The following FRMD5 variants were observed in gnomAD, a reference collection of about 807,000 sequenced individuals.
FRMD5 encodes FERM domain-containing protein 5.
Under a neutral mutation model 69.0 loss-of-function variants are expected in FRMD5, and 20 were observed. The observed-to-expected ratio is 0.29, with a 90% CI of 0.20 to 0.42. The LOEUF is 0.42. Among genes scored for constraint, FRMD5 ranks in the 10% least tolerant of loss-of-function variants. The pLI is 1.00. For missense variants in FRMD5, 595 were observed against 708.6 expected (o/e 0.84, Z 1.82); for synonymous variants, 271 against 260.1 (o/e 1.04, Z -0.40).
chr15:43,937,917 CT>C (rs895626834), intron 1 of FRMD5, among the ~76,000 whole-genome samples: 51 of 152,150 alleles, frequency 3.4e-4, no homozygotes, highest in African/African-American at 1.1e-3. Flanking sequence ...GAGTATTAGC[CT>C]CCATCACACC....
At chr15:44,171,328 T>C (rs998031009) in intron 1 of FRMD5, among the ~76,000 whole-genome samples, 4 of 152,248 alleles carry the variant, frequency 2.6e-5, no homozygotes, top group African/African-American at 9.6e-5. Flanking sequence ...GCAGTCATTC[T>C]ATTTCCAGCC....
chr15:43,934,744 C>T (rs1019049329), intron 1 of FRMD5, among the ~76,000 whole-genome samples: 2 of 152,214 alleles, frequency 1.3e-5, no homozygotes, highest in African/African-American at 4.8e-5. Context: ...AGGATCGTTG[C>T]AAGATCTTCT....
Position 43,944,960 on chromosome 15 carries a change from T to A in FRMD5, c.103-20651A>T, listed in dbSNP as rs1016755278. 1.9e-4 allele frequency among the ~76,000 whole-genome samples: 29 copies of A among 151,862 alleles called. No individual in the cohort carries two copies. The South Asian group carries it at 2.5e-3, about 13-fold the overall frequency. ...TTCTATAAGTTTATTTATTTATTTTTTTTTTTTTTGATAGAGGGGGGGTTT... is the reference window on the plus strand; with the variant it reads ...TTCTATAAGTTTATTTATTTATTTTATTTTTTTTTGATAGAGGGGGGGTTT... On this transcript the variant is annotated intron_variant, in intron 1 of 13. Coordinates refer to ENST00000417257, the MANE Select transcript of FRMD5 (RefSeq NM_032892.5).
At chr15:44,105,036 T>C (rs1328597575) in intron 1 of FRMD5, among the ~76,000 whole-genome samples, 1 of 151,940 alleles carries the variant, frequency 6.6e-6, no homozygotes, top group Non-Finnish European at 1.5e-5. Flanking sequence ...AAAACTTTCA[T>C]AGTAGTACCA....
chr15:43,873,944 G>A lies in FRMD5; in HGVS notation c.1654C>T (p.Leu552Phe), dbSNP rs1452045225. Residue 552 changes from leucine to phenylalanine, a missense_variant, in exon 14 of 14, where the codon CTC (leucine) becomes TTC (phenylalanine). By Grantham distance (22) the Leu-to-Phe change is conservative. Around this residue, in one of 5 missense-constraint regions of FRMD5, gnomAD observed 245 missense variants for 227.1 expected, o/e 1.08. Coordinates refer to ENST00000417257, the MANE Select transcript of FRMD5 (RefSeq NM_032892.5). ...ATTTTGCAGGCAAACCATCGCCTGA[G>A]GGGACAAAAGTATTGATAGTGGAAT... is the stretch of plus-strand genomic sequence containing the variant. ...EQFHYQYFCPLRRWFACKIRS... is the reference protein window; with the variant it reads ...EQFHYQYFCPFRRWFACKIRS... 1.2e-6 allele frequency: 2 copies of A among 1,614,074 alleles called. No homozygotes were observed. The highest frequency in any genetic ancestry group is 1.7e-6 in the Non-Finnish European group (2 of 1,180,040).
chr15:44,001,450 T>G (rs987465947), intron 1 of FRMD5, among the ~76,000 whole-genome samples: 5 of 152,140 alleles, frequency 3.3e-5, no homozygotes, highest in African/African-American at 1.2e-4. Flanking sequence ...GCCTGTGTTT[T>G]TAGTGTCATA....
intron 10 of FRMD5, among the ~76,000 whole-genome samples, chr15:43,887,478 A>G (rs2088691148): frequency 6.6e-6 from 1 of 152,238 alleles, no homozygotes; most frequent in Non-Finnish European, 1.5e-5. Flanking sequence ...TATATTCAGG[A>G]GAAGAAAGGC....
intron 3 of FRMD5, 62 bp downstream of exon 3, chr15:43,919,704 TG>T: frequency 6.6e-7 from 1 of 1,512,138 alleles, no homozygotes. Context: ...TTGAGATAAG[TG>T]GGAGGTTTCG....
intron 13 of FRMD5, among the ~76,000 whole-genome samples, chr15:43,875,206 A>C (rs1420813764): frequency 6.6e-6 from 1 of 151,880 alleles, no homozygotes; most frequent in Admixed American, 6.6e-5. Flanking sequence ...CGGGGCGAGG[A>C]GGAAGCCAGG....
intron 1 of FRMD5, among the ~76,000 whole-genome samples, chr15:44,182,596 G>C (rs1378364773): frequency 6.6e-6 from 1 of 152,034 alleles, no homozygotes; most frequent in East Asian, 1.9e-4. Context: ...AAAGTGCTGG[G>C]ATTACAGGTG....
At chr15:44,061,568 G>A (rs565667695) in intron 1 of FRMD5, among the ~76,000 whole-genome samples, 58 of 152,318 alleles carry the variant, frequency 3.8e-4, no homozygotes, top group African/African-American at 1.3e-3. Flanking sequence ...CCATAAATGT[G>A]TAACTACTCA....
At chr15:43,992,097 T>A (rs1316408018) in intron 1 of FRMD5, among the ~76,000 whole-genome samples, 1 of 152,218 alleles carries the variant, frequency 6.6e-6, no homozygotes, top group Admixed American at 6.5e-5. Flanking sequence ...TTGAAAATAA[T>A]AAAGTTGGCT....
intron 1 of FRMD5, among the ~76,000 whole-genome samples, chr15:44,022,056 A>G (rs1452812851): frequency 1.3e-5 from 2 of 152,050 alleles, no homozygotes; most frequent in African/African-American, 4.8e-5. Flanking sequence ...ATAATGAATA[A>G]TATCTACTTA....
intron 1 of FRMD5, among the ~76,000 whole-genome samples, chr15:44,191,298 T>C (rs1233205611): frequency 6.6e-6 from 1 of 152,118 alleles, no homozygotes; most frequent in African/African-American, 2.4e-5. Context: ...TAGTTCAAAA[T>C]CTATTCCTGG....
At chr15:43,892,392 G>A (rs2088813208) in intron 7 of FRMD5, among the ~76,000 whole-genome samples, 1 of 152,182 alleles carries the variant, frequency 6.6e-6, no homozygotes, top group Admixed American at 6.5e-5. Context: ...TTGTTAAATG[G>A]TACAGTCACT....
At chr15:44,024,999 C>T (rs372940122) in intron 1 of FRMD5, among the ~76,000 whole-genome samples, 7 of 152,292 alleles carry the variant, frequency 4.6e-5, no homozygotes, top group East Asian at 1.9e-4. Flanking sequence ...CTTTACCAAA[C>T]TAGCTGTATG....
At chr15:43,948,779 T>C (rs1224653339) in intron 1 of FRMD5, among the ~76,000 whole-genome samples, 1 of 152,180 alleles carries the variant, frequency 6.6e-6, no homozygotes, top group Non-Finnish European at 1.5e-5. Context: ...AACTAACATC[T>C]GTCAGAAGAA....
At chr15:44,029,517 G>A (rs1891586367) in intron 1 of FRMD5, among the ~76,000 whole-genome samples, 1 of 152,180 alleles carries the variant, frequency 6.6e-6, no homozygotes, top group Non-Finnish European at 1.5e-5. Context: ...TATTCTAGTG[G>A]CTAGGATTAG....
chr15:43,904,905 C>T (rs568037512), intron 6 of FRMD5, among the ~76,000 whole-genome samples: 4 of 152,214 alleles, frequency 2.6e-5, no homozygotes, highest in South Asian at 2.1e-4. Context: ...CTTGAAGCCA[C>T]GTCTCCTCCA....
Sources: gnomAD v4.1 joint callset for allele counts (sites outside exome capture counted in the v4.1 genomes callset) on GRCh38, gnomAD v4.1.1 for gene constraint, gnomAD v4.1.1 regional missense constraint, MANE v1.5 for transcripts, NCBI Gene and HGNC (gene_info 2026-07-23, HGNC 2026-07-21) for gene names.